The following CADM2 variants were observed in gnomAD, a reference collection of about 807,000 sequenced individuals.
CADM2 encodes the protein immunoglobulin superfamily member 4D.
Under a neutral mutation model 49.8 loss-of-function variants are expected in CADM2, and 12 were observed. That is an observed-to-expected ratio of 0.24 (90% CI 0.15 to 0.39). The LOEUF (loss-of-function observed/expected upper bound fraction) is 0.39, where lower values mean the gene tolerates loss of function less well. Among genes scored for constraint, CADM2 ranks in the 10% least tolerant of loss-of-function variants. The pLI is 1.00. For missense variants in CADM2, 378 were observed against 492.3 expected, an observed-to-expected ratio of 0.77 and a Z score of 2.20; for synonymous variants, 214 against 175.4, an observed-to-expected ratio of 1.22 and a Z score of -1.74.
At chr3:85,502,552 G>C (rs2040162567) in intron 1 of CADM2, among the ~76,000 whole-genome samples, 1 of 152,128 alleles carries the variant, frequency 6.6e-6, no homozygotes, top group Non-Finnish European at 1.5e-5. Flanking sequence ...GCAACTATCA[G>C]TTTGGAAGGG....
intron 6 of CADM2, among the ~76,000 whole-genome samples, chr3:85,929,120 AT>A (rs1300632024): frequency 3.9e-5 from 6 of 152,122 alleles, no homozygotes; most frequent in African/African-American, 1.4e-4. Context: ...AATACAATAC[AT>A]TATATCAGTA....
chr3:85,623,811 A>G (rs2064044119), intron 1 of CADM2, among the ~76,000 whole-genome samples: 1 of 152,192 alleles, frequency 6.6e-6, no homozygotes, highest in Admixed American at 6.6e-5. Context: ...ATTTTATTTT[A>G]TGAATAGTTT....
chr3:85,517,005 G>A (rs1014490472), intron 1 of CADM2, among the ~76,000 whole-genome samples: 5 of 151,344 alleles, frequency 3.3e-5, no homozygotes, highest in Non-Finnish European at 5.9e-5. Flanking sequence ...TTTTATTTAT[G>A]CACAATTTTC....
chr3:85,277,529 T>C (rs116581638), intron 1 of CADM2, among the ~76,000 whole-genome samples: 106 of 151,530 alleles, frequency 7.0e-4, no homozygotes, highest in Non-Finnish European at 1.3e-3. Flanking sequence ...CCTGGAAAAT[T>C]CACCTCAGAT....
intron 3 of CADM2, among the ~76,000 whole-genome samples, chr3:85,828,417 A>C (rs2108218861): frequency 6.6e-6 from 1 of 152,074 alleles, no homozygotes. Context: ...ACCATATGGG[A>C]GAAAAGAGAA....
chr3:85,264,988 T>C (rs2043090645), intron 1 of CADM2, among the ~76,000 whole-genome samples: 1 of 152,024 alleles, frequency 6.6e-6, no homozygotes, highest in Non-Finnish European at 1.5e-5. Context: ...TTAACCTCTC[T>C]GAGCTATGAG....
chr3:85,587,208 C>T (rs928521703), intron 1 of CADM2, among the ~76,000 whole-genome samples: 1 of 151,890 alleles, frequency 6.6e-6, no homozygotes, highest in Non-Finnish European at 1.5e-5. Context: ...AGTTGCTAGG[C>T]CATTATGTCT....
intron 1 of CADM2, among the ~76,000 whole-genome samples, chr3:85,419,122 G>T (rs2036046351): frequency 6.6e-6 from 1 of 152,080 alleles, no homozygotes; most frequent in African/African-American, 2.4e-5. Flanking sequence ...ATTTAGACTA[G>T]CCACTCATTG....
At chr3:85,384,140 T>C (rs1171847166) in intron 1 of CADM2, among the ~76,000 whole-genome samples, 1 of 152,168 alleles carries the variant, frequency 6.6e-6, no homozygotes, top group Non-Finnish European at 1.5e-5. Flanking sequence ...TGCATATTCT[T>C]GTTATGGTAT....
chr3:85,748,741 A>C (rs893628552), intron 2 of CADM2, among the ~76,000 whole-genome samples: 4 of 151,992 alleles, frequency 2.6e-5, no homozygotes, highest in African/African-American at 9.7e-5. Context: ...TGTTTACCAC[A>C]TGTTTTTGTC....
intron 1 of CADM2, among the ~76,000 whole-genome samples, chr3:84,987,857 T>A (rs1042746216): frequency 1.3e-5 from 2 of 152,218 alleles, no homozygotes; most frequent in African/African-American, 4.8e-5. Context: ...TGTTCTGGGA[T>A]GCATCTGTTT....
At chr3:85,589,201 T>C (rs2063032525) in intron 1 of CADM2, among the ~76,000 whole-genome samples, 1 of 151,962 alleles carries the variant, frequency 6.6e-6, no homozygotes, top group South Asian at 2.1e-4. Flanking sequence ...ATTTTACCAC[T>C]TCACTGTTTT....
At chr3:85,120,708 A>G (rs1292562233) in intron 1 of CADM2, among the ~76,000 whole-genome samples, 1 of 152,132 alleles carries the variant, frequency 6.6e-6, no homozygotes, top group African/African-American at 2.4e-5. Flanking sequence ...GGATAGCCTT[A>G]GGAGAAATAC....
rs1018771996 is a variant in CADM2, at chr3:85,751,408, A to G, written c.88+24860A>G. On this transcript the variant is annotated intron_variant, in intron 2 of 9. Coordinates refer to ENST00000383699, the MANE Select transcript of CADM2 (RefSeq NM_001167675.2). ...GTCATCTTACAATATTTATCATCTT[A>G]ATGACATGTTTAAATAAGTATGTTT... is the stretch of plus-strand genomic sequence containing the variant. Among the ~76,000 whole-genome samples the G allele has an allele frequency of 3.9e-5, 6 of 152,282 alleles. No homozygotes were observed. In the South Asian group the frequency reaches 8.3e-4, roughly 21 times the overall value.
chr3:85,593,779 G>A (rs999268268), intron 1 of CADM2, among the ~76,000 whole-genome samples: 3 of 151,864 alleles, frequency 2.0e-5, no homozygotes, highest in Non-Finnish European at 2.9e-5. Flanking sequence ...GTAGGAAATC[G>A]GATGAGAAAA....
chr3:85,429,694 A>C (rs899210995), intron 1 of CADM2, among the ~76,000 whole-genome samples: 4 of 152,148 alleles, frequency 2.6e-5, no homozygotes, highest in Non-Finnish European at 4.4e-5. Flanking sequence ...AAGTCCCTAC[A>C]TTCCCATAGT....
chr3:85,441,593 AT>A (rs2037203885), intron 1 of CADM2, among the ~76,000 whole-genome samples: 1 of 152,084 alleles, frequency 6.6e-6, no homozygotes, highest in African/African-American at 2.4e-5. Context: ...AACATTCTGG[AT>A]TTATAATCTT....
At chr3:85,307,516 A>G (rs996692570) in intron 1 of CADM2, among the ~76,000 whole-genome samples, 1 of 151,762 alleles carries the variant, frequency 6.6e-6, no homozygotes. Context: ...AATGACAAAA[A>G]CTCTAAGAAT....
intron 8 of CADM2, chr3:86,013,144 G>A (rs748757247): frequency 7.4e-7 from 1 of 1,347,512 alleles, no homozygotes; most frequent in Admixed American, 1.7e-5. Context: ...AGTAGACACA[G>A]AAAACGAATA....
Sources: allele counts gnomAD v4.1 joint callset (sites outside exome capture counted in the v4.1 genomes callset), GRCh38; gene constraint gnomAD v4.1.1; transcripts MANE v1.5; gene names NCBI Gene and HGNC (gene_info 2026-07-23, HGNC 2026-07-21).